Variants in KCTD1 observed in about 807,000 individuals in gnomAD.
KCTD1 encodes the protein potassium channel tetramerization domain containing 1, also known as BTB/POZ domain-containing protein KCTD1.
KCTD1 carries 24 observed loss-of-function variants against 66.0 expected under a neutral mutation model. The ratio of observed to expected loss-of-function variants is 0.36; its 90% CI spans 0.26 to 0.51. The LOEUF (loss-of-function observed/expected upper bound fraction) is 0.51, where lower values mean the gene tolerates loss of function less well. Ranked by LOEUF, KCTD1 falls within the 20% of genes least tolerant of loss-of-function variation. KCTD1 has a pLI of 0.95. For synonymous variants in KCTD1, 511 were observed against 517.2 expected, an observed-to-expected ratio of 0.99 and a Z score of 0.16; for missense variants, 943 against 1,205.2, an observed-to-expected ratio of 0.78 and a Z score of 3.22.
intron 1 of KCTD1, among the ~76,000 whole-genome samples, chr18:26,623,889 GA>G (rs940530134): frequency 9.2e-5 from 14 of 152,316 alleles, no homozygotes; most frequent in African/African-American, 2.6e-4. Context: ...GAAGATGTGG[GA>G]AAGTTTGGAA....
chr18:26,522,115 C>T (rs909904116), intron 1 of KCTD1, among the ~76,000 whole-genome samples: 4 of 152,146 alleles, frequency 2.6e-5, no homozygotes, highest in African/African-American at 9.7e-5. Context: ...GAACTGTGTC[C>T]TCCAAACACT....
chr18:26,504,427 C>T (rs915825014), intron 1 of KCTD1, among the ~76,000 whole-genome samples: 13 of 152,166 alleles, frequency 8.5e-5, no homozygotes, highest in East Asian at 1.9e-4. Flanking sequence ...GACAGGGTTT[C>T]GCCATGTTGC....
At chr18:26,626,671 C>G (rs1987509332) in intron 1 of KCTD1, among the ~76,000 whole-genome samples, 1 of 152,026 alleles carries the variant, frequency 6.6e-6, no homozygotes, top group Non-Finnish European at 1.5e-5. Context: ...GACAGGGTCT[C>G]TATATGTTGC....
intron 1 of KCTD1, among the ~76,000 whole-genome samples, chr18:26,578,687 A>C (rs1986285675): frequency 1.3e-5 from 2 of 152,202 alleles, no homozygotes; most frequent in Non-Finnish European, 2.9e-5. Flanking sequence ...TGTATGAAGG[A>C]GCCCTTGACA....
chr18:26,549,784 G>A, upstream of KCTD1: 2 of 985,504 alleles, frequency 2.0e-6, no homozygotes, highest in Non-Finnish European at 2.4e-6. Context: ...CCTCAGGCGC[G>A]CGGGGGCGGG....
At chr18:26,580,223 C>T (rs1398884216) in intron 1 of KCTD1, among the ~76,000 whole-genome samples, 1 of 152,100 alleles carries the variant, frequency 6.6e-6, no homozygotes, top group African/African-American at 2.4e-5. Context: ...GGGAGACAAA[C>T]AAGAATCACG....
At chr18:26,549,917 C>A (rs1411122007), upstream of KCTD1, 2 of 513,762 alleles carry the variant, frequency 3.9e-6, no homozygotes, top group African/African-American at 2.1e-5. Context: ...CGCGTCCTTG[C>A]GTCGCCGCCT....
At chr18:26,548,869 G>A, upstream of KCTD1, 1 of 1,006,082 alleles carries the variant, frequency 9.9e-7, no homozygotes, top group Non-Finnish European at 1.2e-6. Flanking sequence ...CTGTCGGTGG[G>A]GGCGAAACAC....
intron 1 of KCTD1, among the ~76,000 whole-genome samples, chr18:26,620,323 G>A (rs1987345682): frequency 8.2e-6 from 1 of 122,150 alleles, no homozygotes; most frequent in Admixed American, 9.7e-5. Context: ...TCACGTGTGA[G>A]TTTGCATTTG....
chr18:26,458,781 C>T (rs1044741705), intron 4 of KCTD1: 8 of 152,380 alleles, frequency 5.3e-5, no homozygotes, highest in Middle Eastern at 3.4e-3. Context: ...CGTCAGAAAA[C>T]CTTATTAGCT....
chr18:26,502,525 C>A (rs758068998), intron 1 of KCTD1, among the ~76,000 whole-genome samples: 4 of 152,284 alleles, frequency 2.6e-5, no homozygotes, highest in Non-Finnish European at 5.9e-5. Context: ...TAAATTATTA[C>A]ATCCTTTCCA....
At chr18:26,611,592 C>A (rs1987138906) in intron 1 of KCTD1, among the ~76,000 whole-genome samples, 1 of 152,168 alleles carries the variant, frequency 6.6e-6, no homozygotes, top group African/African-American at 2.4e-5. Context: ...CTAAGGTGAT[C>A]CGCCTGCCTT....
chr18:26,626,355 T>C lies in KCTD1; in HGVS notation c.-16+2792A>G, dbSNP rs148286331. Among the ~76,000 whole-genome samples, 16 of 151,894 alleles carry C rather than the reference T, an allele frequency of 1.1e-4. No homozygotes were observed. In the East Asian group the frequency reaches 3.1e-3, roughly 29 times the overall value. ...AAAACCAAGAAATAAATAAATAAGA[T>C]AACTTTATCTATTGGTAAGTTCAAT... On this transcript the variant is annotated intron_variant, in intron 1 of 4. Coordinates refer to the KCTD1 transcript ENST00000317932.
chr18:26,500,783 T>G (rs8098388), intron 2 of KCTD1, among the ~76,000 whole-genome samples: 6,966 of 152,254 alleles, frequency 0.046, 244 homozygotes, highest in African/African-American at 0.1. Context: ...CACCATCTTT[T>G]TTTGTACTAC....
Position 26,548,355 on chromosome 18 carries a change from T to C in KCTD1, c.182A>G (p.Glu61Gly). ...CACCTCCTGGATCTCGTCCTCCTCCTCCTCTTCCTCCTCCTCCTCGCCCGC... is the reference window on the plus strand; with the variant it reads ...CACCTCCTGGATCTCGTCCTCCTCCCCCTCTTCCTCCTCCTCCTCGCCCGC... ...CSAGEEEEEE[E>G]EEDEIQEVQI... The change falls in exon 1 of 5, where the codon GAG becomes GGG. Residue 61 changes from glutamate to glycine, a missense_variant. Physicochemically the swap from Glu to Gly is moderately conservative, Grantham distance 98. Around this residue, in one of 10 missense-constraint regions of KCTD1, gnomAD observed 236 missense variants for 206.6 expected, o/e 1.14. Coordinates refer to ENST00000580059, the MANE Select transcript of KCTD1 (RefSeq NM_001142730.3). 6.7e-7 allele frequency: 1 copy of C among 1,484,762 alleles called. No homozygotes were observed. Among genetic ancestry groups the C allele is most frequent in the East Asian group, 2.7e-5 (1 of 37,300 alleles). 92.0% of individuals were successfully genotyped at this position (1,484,762 alleles called of 1,614,324 possible).
chr18:26,513,600 A>C (rs1983470164), intron 1 of KCTD1, among the ~76,000 whole-genome samples: 1 of 152,220 alleles, frequency 6.6e-6, no homozygotes, highest in African/African-American at 2.4e-5. Flanking sequence ...AAGCCATGTC[A>C]CCAATGAGCT....
chr18:26,527,552 A>T (rs1567981115), intron 1 of KCTD1, among the ~76,000 whole-genome samples: 1 of 152,010 alleles, frequency 6.6e-6, no homozygotes, highest in Non-Finnish European at 1.5e-5. Context: ...GGGCAGTAAA[A>T]CTATTCTATA....
Position 26,548,248 on chromosome 18 carries a change from T to TCTCCTC in KCTD1, c.283_288dup (p.Glu95_Glu96dup). ...AGGGGCTCGTCCCAGTCCAGCCCCA[T>TCTCCTC]CTCCTCCTCTTCCTCCTCCTCCTCG... On this transcript the variant is annotated inframe_insertion, in exon 1 of 5. Coordinates refer to ENST00000580059, the MANE Select transcript of KCTD1 (RefSeq NM_001142730.3). The TCTCCTC allele has an allele frequency of 6.6e-7, 1 of 1,511,784 alleles. No homozygotes were observed. Among genetic ancestry groups the TCTCCTC allele is most frequent in the East Asian group, 2.5e-5 (1 of 39,318 alleles). The allele number at this position is 1,511,784 out of a possible 1,614,324, so 93.6% of individuals were successfully genotyped here. A position where few individuals can be genotyped will look rare whatever the true frequency, so the allele number is the denominator to read the frequency against.
intron 2 of KCTD1, among the ~76,000 whole-genome samples, chr18:26,492,278 G>A (rs1288561733): frequency 1.3e-5 from 2 of 152,000 alleles, no homozygotes; most frequent in South Asian, 2.1e-4. Flanking sequence ...GGTAGGGGCA[G>A]GCAATTTTTT....
Sources: gnomAD v4.1 joint callset for allele counts (sites outside exome capture counted in the v4.1 genomes callset) on GRCh38, gnomAD v4.1.1 for gene constraint, gnomAD v4.1.1 regional missense constraint, MANE v1.5 for transcripts, NCBI Gene and HGNC (gene_info 2026-07-23, HGNC 2026-07-21) for gene names.